The following MTIF2 variants were observed in gnomAD, a reference collection of about 807,000 sequenced individuals.
MTIF2 encodes the protein mitochondrial translational initiation factor 2.
MTIF2 carries 71 observed loss-of-function variants against 83.5 expected under a neutral mutation model. The ratio of observed to expected loss-of-function variants is 0.85; its 90% CI spans 0.70 to 1.04. The LOEUF (loss-of-function observed/expected upper bound fraction) is 1.04, where lower values mean the gene tolerates loss of function less well. Ranked by LOEUF, MTIF2 falls within the 50% of genes least tolerant of loss-of-function variation. MTIF2 has a pLI of 0.00. For synonymous variants in MTIF2, 319 were observed against 287.1 expected (o/e 1.11, Z -1.12); for missense variants, 957 against 846.5 (o/e 1.13, Z -1.62).
chr2:55,264,181 G>A (rs191853279), intron 3 of MTIF2, among the ~76,000 whole-genome samples: 27 of 152,282 alleles, frequency 1.8e-4, no homozygotes, highest in African/African-American at 6.5e-4. Flanking sequence ...CTAGAGTAAT[G>A]TTTCTAAAGT....
Position 55,243,086 on chromosome 2 carries a change from T to C in MTIF2, c.1565-6A>G, listed in dbSNP as rs1290286864. 1 of 1,584,594 alleles carries C rather than the reference T, an allele frequency of 6.3e-7. No homozygotes were observed. Among genetic ancestry groups the C allele is most frequent in the Non-Finnish European group, 8.5e-7 (1 of 1,170,556 alleles). On this transcript the variant is annotated splice_polypyrimidine_tract_variant and splice_region_variant and intron_variant, in intron 12 of 15. Coordinates refer to ENST00000263629, the MANE Select transcript of MTIF2 (RefSeq NM_002453.3). ...AACAGAACCATCAACATCACCTAAA[T>C]ACAGAAAAAGTTTATAATTGTTGCT...
At chr2:55,256,263 T>C (rs1677521823) in intron 5 of MTIF2, among the ~76,000 whole-genome samples, 2 of 151,094 alleles carry the variant, frequency 1.3e-5, no homozygotes, top group South Asian at 4.2e-4. Flanking sequence ...AATCCACTTA[T>C]AATGAGAACT....
chr2:55,245,075 A>T (rs1032806593), intron 10 of MTIF2, among the ~76,000 whole-genome samples: 3 of 152,126 alleles, frequency 2.0e-5, no homozygotes, highest in Admixed American at 2.0e-4. Flanking sequence ...AAATAAATAA[A>T]TATTAAATTG....
intron 14 of MTIF2, 44 bp from the exon 15 acceptor site, chr2:55,237,472 C>A: frequency 6.6e-7 from 1 of 1,523,454 alleles, no homozygotes; most frequent in Non-Finnish European, 8.8e-7. Context: ...ACTAAAGATT[C>A]TGATAAATAC....
intron 10 of MTIF2, 114 bp from the exon 11 acceptor site, chr2:55,244,347 C>T: frequency 1.2e-6 from 1 of 810,898 alleles, no homozygotes; most frequent in South Asian, 1.8e-5. Context: ...ATTAATTCCA[C>T]CACTTCTTAA....
intron 5 of MTIF2, 88 bp from the exon 6 acceptor site, chr2:55,254,913 C>T (rs1677394982): frequency 2.9e-6 from 2 of 688,800 alleles, no homozygotes; most frequent in African/African-American, 1.9e-5. Flanking sequence ...ATAAACAGTA[C>T]ACTCAATGAG....
intron 9 of MTIF2, among the ~76,000 whole-genome samples, chr2:55,247,793 G>C (rs1346553968): frequency 6.6e-6 from 1 of 151,986 alleles, no homozygotes; most frequent in East Asian, 1.9e-4. Context: ...CCTTCCCTTG[G>C]AATCATCTCT....
At position 55,243,422 on chromosome 2, in the gene MTIF2, T is replaced by C; in HGVS notation, c.1558A>G (p.Ile520Val). The C allele has an allele frequency of 6.2e-7, 1 of 1,600,010 alleles. No homozygotes were observed. Among genetic ancestry groups the C allele is most frequent in the Non-Finnish European group, 8.5e-7 (1 of 1,171,452 alleles). Residue 520 changes from isoleucine (I) to valine (V), a missense_variant, in exon 12 of 16, where the codon ATT (isoleucine) becomes GTT (valine). This residue lies in a region of MTIF2 where 733 missense variants were observed against 648.7 expected (regional missense o/e 1.13). Transcript: ENST00000263629. ...AAAATCTTTAAAAAGATACCTTTAA[T>C]AATCACAGAAAGTACATTTGAATCT... ...ERDSNVLSVIIKGDVDGSVEA... is the reference protein window; with the variant it reads ...ERDSNVLSVIVKGDVDGSVEA...
At chr2:55,264,469 T>A (rs1263481846) in intron 3 of MTIF2, among the ~76,000 whole-genome samples, 1 of 152,138 alleles carries the variant, frequency 6.6e-6, no homozygotes, top group Non-Finnish European at 1.5e-5. Context: ...ACTCCCGGGA[T>A]CTAGTGATCC....
rs1302352368 is a variant in MTIF2 at position 55,264,206 on chromosome 2, A to G, written c.-7-341T>C. Among the ~76,000 whole-genome samples the G allele has an allele frequency of 2.0e-5, 3 of 152,190 alleles. No homozygotes were observed. In the East Asian group the frequency reaches 5.8e-4, roughly 29 times the overall value. ...GTTTCTAAAGTGCGAATTCCAAATGATAACATTTCTGTTAAACACCCTGAA... is the reference window on the plus strand; with the variant it reads ...GTTTCTAAAGTGCGAATTCCAAATGGTAACATTTCTGTTAAACACCCTGAA... On this transcript the variant is annotated intron_variant, in intron 3 of 15. Transcript: ENST00000263629.
intron 14 of MTIF2, among the ~76,000 whole-genome samples, chr2:55,237,673 CAG>C (rs1438012428): frequency 9.3e-5 from 9 of 96,976 alleles, no homozygotes; most frequent in Admixed American, 3.2e-4. Flanking sequence ...TTTTTTGAGA[CAG>C]AGTCTCACTC....
intron 5 of MTIF2, among the ~76,000 whole-genome samples, chr2:55,259,104 T>G (rs895625329): frequency 2.0e-5 from 3 of 152,198 alleles, no homozygotes; most frequent in Non-Finnish European, 4.4e-5. Flanking sequence ...TCATTTCCCC[T>G]CTGTGTTAAA....
intron 9 of MTIF2, among the ~76,000 whole-genome samples, chr2:55,248,869 C>A (rs1392991651): frequency 6.6e-6 from 1 of 152,096 alleles, no homozygotes; most frequent in Middle Eastern, 3.2e-3. Flanking sequence ...GGCATGGTGG[C>A]TCACACTTGT....
intron 14 of MTIF2, among the ~76,000 whole-genome samples, chr2:55,238,389 GT>G (rs34278300): frequency 0.058 from 6,773 of 117,300 alleles, 137 homozygotes; most frequent in African/African-American, 0.077. Context: ...TCTGAGCCTG[GT>G]TTTTTTTTTT....
Position 55,237,331 on chromosome 2 carries a change from TTG to T in MTIF2, c.1966_1967del (p.Gln656LysfsTer4). 6.2e-7 allele frequency: 1 copy of T among 1,612,974 alleles called. No individual in the cohort carries two copies. Among genetic ancestry groups the T allele is most frequent in the South Asian group, 1.1e-5 (1 of 90,908 alleles). On this transcript the variant is annotated frameshift_variant, in exon 15 of 16. Coordinates refer to ENST00000263629, the MANE Select transcript of MTIF2 (RefSeq NM_002453.3). LOFTEE classifies it high-confidence loss of function. Reference sequence around the variant, plus strand: ...CATTACGGGTTAGTTTAAATTTTTTTTGTTTTTCTAACTGTCCCTTTTGGACT... The same window carrying T: ...CATTACGGGTTAGTTTAAATTTTTTTTTTTTCTAACTGTCCCTTTTGGACT... ...CRVQKGQLEK[Q>X]KKFKLTRNGH...
chr2:55,257,153 G>A (rs1461977430), intron 5 of MTIF2, among the ~76,000 whole-genome samples: 1 of 152,170 alleles, frequency 6.6e-6, no homozygotes, highest in East Asian at 1.9e-4. Context: ...CAGACTTGCA[G>A]TCACCCTATA....
chr2:55,251,883 C>T (rs1446442578), intron 8 of MTIF2, among the ~76,000 whole-genome samples: 1 of 152,304 alleles, frequency 6.6e-6, no homozygotes, highest in South Asian at 2.1e-4. Flanking sequence ...GCCTCGGCCT[C>T]CCAAAGTGCT....
At chr2:55,239,161 G>T (rs1676112901) in intron 14 of MTIF2, among the ~76,000 whole-genome samples, 1 of 152,128 alleles carries the variant, frequency 6.6e-6, no homozygotes. Context: ...TATACTGTTG[G>T]GACAACGGAC....
chr2:55,249,763 G>A (rs1676959801), intron 8 of MTIF2, among the ~76,000 whole-genome samples: 1 of 151,964 alleles, frequency 6.6e-6, no homozygotes, highest in Non-Finnish European at 1.5e-5. Flanking sequence ...AGCAGATTCT[G>A]AGTGAATAAC....
Sources: allele counts gnomAD v4.1 joint callset (sites outside exome capture counted in the v4.1 genomes callset), GRCh38; gene constraint gnomAD v4.1.1; regional missense constraint gnomAD v4.1.1; transcripts MANE v1.5; gene names NCBI Gene and HGNC (gene_info 2026-07-23, HGNC 2026-07-21).